The following CEP55 variants were observed in gnomAD, a reference collection of about 807,000 sequenced individuals.
CEP55 encodes the protein centrosomal protein of 55 kDa.
In CEP55, 57 loss-of-function variants were observed where a neutral mutation model predicts 63.2. The ratio of observed to expected loss-of-function variants is 0.90; its 90% CI spans 0.73 to 1.13. The LOEUF (loss-of-function observed/expected upper bound fraction) is 1.13, where lower values mean the gene tolerates loss of function less well. Ranked by LOEUF, CEP55 falls within the 50% of genes most tolerant of loss-of-function variation. The pLI, the probability that CEP55 is intolerant of heterozygous loss-of-function variation, is 0.00. For missense variants in CEP55, 456 were observed against 518.9 expected, an observed-to-expected ratio of 0.88 and a Z score of 1.18; for synonymous variants, 178 against 191.6, an observed-to-expected ratio of 0.93 and a Z score of 0.59.
intron 8 of CEP55, among the ~76,000 whole-genome samples, chr10:93,525,706 C>A (rs1263080103): frequency 6.6e-6 from 1 of 151,812 alleles, no homozygotes; most frequent in Non-Finnish European, 1.5e-5. Flanking sequence ...GCTACAGTAA[C>A]CAAAACAGCA....
intron 8 of CEP55, among the ~76,000 whole-genome samples, chr10:93,522,513 G>T (rs1440477082): frequency 6.6e-6 from 1 of 152,186 alleles, no homozygotes; most frequent in African/African-American, 2.4e-5. Context: ...AAAACACTCT[G>T]CAGGATATTA....
At chr10:93,501,962 C>T (rs892720134) in intron 2 of CEP55, among the ~76,000 whole-genome samples, 1 of 152,086 alleles carries the variant, frequency 6.6e-6, no homozygotes, top group African/African-American at 2.4e-5. Context: ...ATTAAACTTC[C>T]TATAACTTCT....
At chr10:93,513,612 T>G (rs762021919) in intron 4 of CEP55, among the ~76,000 whole-genome samples, 3 of 152,204 alleles carry the variant, frequency 2.0e-5, no homozygotes, top group African/African-American at 4.8e-5. Context: ...ATTTTATCTA[T>G]GCATAATAGA....
At chr10:93,519,986 G>A (rs771010198) in intron 8 of CEP55, 179 bp downstream of exon 8, 14 of 657,416 alleles carry the variant, frequency 2.1e-5, no homozygotes, top group Non-Finnish European at 2.9e-5. Context: ...GGACATGAAA[G>A]AGGGACATGA....
At chr10:93,519,086 T>C in intron 7 of CEP55, 138 bp downstream of exon 7, 1 of 566,856 alleles carries the variant, frequency 1.8e-6, no homozygotes, top group Non-Finnish European at 3.2e-6. Flanking sequence ...AAGTCTTTCT[T>C]CTTCAATAAA....
chr10:93,517,260 C>G lies in CEP55; in HGVS notation c.993+12C>G. The G allele has an allele frequency of 6.4e-7, 1 of 1,570,218 alleles. No homozygotes were observed. Among genetic ancestry groups the G allele is most frequent in the South Asian group, 1.2e-5 (1 of 83,694 alleles). ...AGCTCTTATCTCAGGTAAACTTAAC[C>G]AGATCCATAATTCAGAGTGTTCACC... On this transcript the variant is annotated intron_variant, in intron 6 of 8. Coordinates refer to ENST00000371485, the MANE Select transcript of CEP55 (RefSeq NM_018131.5).
At chr10:93,503,782 CTTGCATTTTCTCCCCGT>C (rs971724413) in intron 3 of CEP55, among the ~76,000 whole-genome samples, 4 of 152,112 alleles carry the variant, frequency 2.6e-5, no homozygotes, top group African/African-American at 9.7e-5. Context: ...CCTAACTGCA[CTTGCATTTTCTCCCCGT>C]TTTGTTTGAG....
chr10:93,512,553 A>G (rs1049642958), intron 4 of CEP55, among the ~76,000 whole-genome samples: 1 of 151,472 alleles, frequency 6.6e-6, no homozygotes, highest in Non-Finnish European at 1.5e-5. Context: ...TGACCATTTA[A>G]TTTTGACTTA....
chr10:93,521,939 A>T (rs2057868479), intron 8 of CEP55, among the ~76,000 whole-genome samples: 2 of 152,194 alleles, frequency 1.3e-5, no homozygotes, highest in South Asian at 4.1e-4. Context: ...CCAAAACCCC[A>T]TCTGTATGTC....
intron 3 of CEP55, among the ~76,000 whole-genome samples, 199 bp from the exon 4 acceptor site, chr10:93,506,789 G>A (rs916393136): frequency 1.3e-5 from 2 of 152,198 alleles, no homozygotes; most frequent in African/African-American, 2.4e-5. Flanking sequence ...GGCCAGGCTG[G>A]TCTCAAACTC....
At chr10:93,501,662 T>C (rs1022296163) in intron 2 of CEP55, among the ~76,000 whole-genome samples, 2 of 151,850 alleles carry the variant, frequency 1.3e-5, no homozygotes, top group Non-Finnish European at 2.9e-5. Flanking sequence ...GCAAGACTTC[T>C]GTCTCAAAAA....
rs778926169 is a variant in CEP55, at chr10:93,528,958, CTTTG to C, written c.*811_*814del. The stretch of plus-strand genomic sequence containing the variant: ...AAGCTGGGCAATGTAATGATCAGAT[CTTTG>C]TTTGTCTGAACAGGTATTTTTATAC... On this transcript the variant is annotated 3_prime_UTR_variant, in exon 9 of 9. Coordinates refer to ENST00000371485, the MANE Select transcript of CEP55 (RefSeq NM_018131.5). 76 of 152,284 alleles carry C rather than the reference CTTTG, an allele frequency of 5.0e-4. 1 individual carries two copies. Among genetic ancestry groups the C allele is most frequent in the Non-Finnish European group, 8.8e-4 (60 of 68,020 alleles). 9.4% of individuals were successfully genotyped at this position (152,284 alleles called of 1,614,324 possible). A position where few individuals can be genotyped will look rare whatever the true frequency, so the allele number is the denominator to read the frequency against.
At chr10:93,519,055 G>T in intron 7 of CEP55, 107 bp downstream of exon 7, 1 of 778,014 alleles carries the variant, frequency 1.3e-6, no homozygotes, top group Non-Finnish European at 2.2e-6. Context: ...TGTGAAAAGT[G>T]TCTTTAAAAG....
chr10:93,516,065 A>G (rs2057800393), intron 5 of CEP55, among the ~76,000 whole-genome samples: 1 of 152,202 alleles, frequency 6.6e-6, no homozygotes, highest in Admixed American at 6.5e-5. Context: ...GGAGTTTTAG[A>G]GCAACCCTAA....
In CEP55 at chr10:93,528,399, A is replaced by T. The variant is rs1332210737; in HGVS notation, c.*246A>T. On this transcript the variant is annotated 3_prime_UTR_variant, in exon 9 of 9. Transcript: ENST00000371485. ...GTGGTGAGCAGCGTCTACTGAGACT[A>T]CTAACATTTTGCACTGTCAAAATAC... 5.9e-6 allele frequency: 3 copies of T among 505,754 alleles called. No individual in the cohort carries two copies. Among genetic ancestry groups the T allele is most frequent in the Non-Finnish European group, 1.1e-5 (3 of 284,174 alleles). The allele number at this position is 505,754 out of a possible 1,614,324, so 31.3% of individuals were successfully genotyped here.
intron 1 of CEP55, 95 bp downstream of exon 1, chr10:93,497,018 T>C (rs1009303272): frequency 2.6e-5 from 4 of 152,296 alleles, no homozygotes; most frequent in Non-Finnish European, 4.4e-5. Flanking sequence ...GCAGGCACTT[T>C]CGTTGTGTGT....
rs143772281 is a variant in CEP55 at position 93,515,515 on chromosome 10, T to C, written c.639T>C (p.Ala213=). 6 of 1,613,986 alleles carry C rather than the reference T, an allele frequency of 3.7e-6. No homozygotes were observed. Among genetic ancestry groups the C allele is most frequent in the Non-Finnish European group, 5.1e-6 (6 of 1,179,866 alleles). Residue 213 remains alanine (A), a synonymous_variant, in exon 5 of 9, where the codon GCT becomes GCC. Coordinates refer to ENST00000371485, the MANE Select transcript of CEP55 (RefSeq NM_018131.5). ...TGGAAAAGAAAACGGAAACAGCTGC[T>C]CATTCACTCCCACAGCAGACAAAAA... The part of the protein sequence containing the change: ...FELEKKTETA[A]HSLPQQTKKP...
Position 93,500,210 on chromosome 10 carries a change from T to C in CEP55, c.159T>C (p.Asp53=), listed in dbSNP as rs143184409. The change falls in exon 2 of 9, where the codon GAT becomes GAC. Residue 53 remains aspartate (D), a synonymous_variant. Coordinates refer to ENST00000371485, the MANE Select transcript of CEP55 (RefSeq NM_018131.5). ...CAAGTGGGAAAGGAAAGCTGACTGA[T>C]AAAGAGAGACACAGACTTTTGGAGG... ...EITSGKGKLT[D]KERHRLLEKI... The C allele has an allele frequency of 3.0e-4, 482 of 1,612,474 alleles. No individual in the cohort carries two copies. In the African/African-American group the frequency reaches 5.7e-3, roughly 19 times the overall value.
At chr10:93,509,866 G>A (rs546041295) in intron 4 of CEP55, among the ~76,000 whole-genome samples, 1 of 152,306 alleles carries the variant, frequency 6.6e-6, no homozygotes, top group South Asian at 2.1e-4. Context: ...AGACCAGGGG[G>A]AAAATTGTAG....
Sources: gnomAD v4.1 joint callset for allele counts (sites outside exome capture counted in the v4.1 genomes callset) on GRCh38, gnomAD v4.1.1 for gene constraint, MANE v1.5 for transcripts, NCBI Gene and HGNC (gene_info 2026-07-23, HGNC 2026-07-21) for gene names.